Variants in ZNF827 observed in about 807,000 individuals in gnomAD.
ZNF827 encodes the protein zinc finger protein 827.
Under a neutral mutation model 102.4 loss-of-function variants are expected in ZNF827, and 13 were observed. That is an observed-to-expected ratio of 0.13 (90% CI 0.08 to 0.20). The LOEUF is 0.20. ZNF827 is among the 10% of genes least tolerant of loss of function. The pLI, the probability that ZNF827 is intolerant of heterozygous loss-of-function variation, is 1.00. For missense variants in ZNF827, 1,103 were observed against 1,344.4 expected (o/e 0.82, Z 2.81); for synonymous variants, 523 against 536.2 (o/e 0.98, Z 0.34).
chr4:145,902,931 C>T lies in ZNF827; in HGVS notation c.328G>A (p.Asp110Asn). The T allele has an allele frequency of 6.2e-7, 1 of 1,614,156 alleles. No individual in the cohort carries two copies. The highest frequency in any genetic ancestry group is 8.5e-7 in the Non-Finnish European group (1 of 1,180,030). Residue 110 changes from aspartate (D) to asparagine (N), a missense_variant, in exon 2 of 15, where the codon GAC (aspartate) becomes AAC (asparagine). By Grantham distance (23) the Asp-to-Asn change is conservative. Around this residue, in one of 5 missense-constraint regions of ZNF827, gnomAD observed 441 missense variants for 458.6 expected, o/e 0.96. Coordinates refer to ENST00000508784, the MANE Select transcript of ZNF827 (RefSeq NM_001306215.2). The surrounding 1 kb of genome is among the most constrained non-coding windows in gnomAD (Gnocchi z 4.3). ...GGCTTGTTGGAGCCTGGGTCATCGT[C>T]ACACAAAGAAGACACTCCCGGGGAA... ...HLSPGVSSLC[D>N]DDPGSNKPLS...
intron 11 of ZNF827, among the ~76,000 whole-genome samples, chr4:145,767,014 T>C (rs1216600592): frequency 6.6e-6 from 1 of 152,120 alleles, no homozygotes; most frequent in Admixed American, 6.5e-5. Context: ...GCACCCAACA[T>C]GGTAAAAACC....
intron 11 of ZNF827, among the ~76,000 whole-genome samples, chr4:145,768,590 G>A (rs768073882): frequency 2.0e-5 from 3 of 151,772 alleles, no homozygotes; most frequent in Non-Finnish European, 1.5e-5. Context: ...TGACCCCATC[G>A]TTTTAGGTTA....
At chr4:145,811,108 C>T (rs936856590) in intron 8 of ZNF827, among the ~76,000 whole-genome samples, 2 of 151,834 alleles carry the variant, frequency 1.3e-5, no homozygotes, top group Non-Finnish European at 2.9e-5. Context: ...TCTCGTACCT[C>T]AGCCTCCTGA....
At chr4:145,772,003 A>G (rs1398683030) in intron 11 of ZNF827, among the ~76,000 whole-genome samples, 4 of 152,216 alleles carry the variant, frequency 2.6e-5, no homozygotes, top group African/African-American at 9.7e-5. Context: ...TACATTCACA[A>G]TACTACTTAT....
At chr4:145,899,254 C>T (rs984221005) in intron 2 of ZNF827, among the ~76,000 whole-genome samples, 1 of 150,652 alleles carries the variant, frequency 6.6e-6, no homozygotes, top group African/African-American at 2.4e-5. Context: ...AGGTACATCC[C>T]AATCCAGCCC....
chr4:145,918,331 GCAA>G (rs1259449495), intron 1 of ZNF827, among the ~76,000 whole-genome samples: 3 of 13,918 alleles, frequency 2.2e-4, no homozygotes, highest in Admixed American at 1.5e-3. Flanking sequence ...TTAGCTCAAG[GCAA>G]AAAAAAAAAA....
At chr4:145,927,412 T>C (rs1270527652) in intron 1 of ZNF827, among the ~76,000 whole-genome samples, 1 of 152,240 alleles carries the variant, frequency 6.6e-6, no homozygotes, top group African/African-American at 2.4e-5. Context: ...TATGAAGTGC[T>C]GATCAGAAAA....
intron 7 of ZNF827, among the ~76,000 whole-genome samples, chr4:145,825,758 G>A (rs1026899979): frequency 1.3e-5 from 2 of 152,102 alleles, no homozygotes; most frequent in African/African-American, 4.8e-5. Context: ...GTGAGGAGTG[G>A]AGCCCTATTA....
rs528759009 is a variant in ZNF827, at chr4:145,836,570, T to G, written c.2279+9386A>C. Among the ~76,000 whole-genome samples, 7 of 152,312 alleles carry G rather than the reference T, an allele frequency of 4.6e-5. No homozygotes were observed. In the East Asian group the frequency reaches 1.3e-3, roughly 29 times the overall value. ...TCACTCTTTGTTGAGTCTCCCACAA[T>G]TACCATTGTTCCTGGCTCGGACTTC... On this transcript the variant is annotated intron_variant, in intron 7 of 14. Transcript: ENST00000508784.
At chr4:145,852,673 T>C (rs2126672631) in intron 5 of ZNF827, among the ~76,000 whole-genome samples, 1 of 152,346 alleles carries the variant, frequency 6.6e-6, no homozygotes, top group Non-Finnish European at 1.5e-5. Context: ...TGTGGGGGAC[T>C]ATATTGCACA....
At chr4:145,801,958 A>G (rs537089773) in intron 8 of ZNF827, among the ~76,000 whole-genome samples, 4 of 152,172 alleles carry the variant, frequency 2.6e-5, no homozygotes, top group Admixed American at 6.5e-5. Context: ...TCTGCTATTC[A>G]TAGGAAAAGA....
intron 8 of ZNF827, among the ~76,000 whole-genome samples, chr4:145,813,026 T>C (rs1168265225): frequency 6.6e-6 from 1 of 152,238 alleles, no homozygotes; most frequent in African/African-American, 2.4e-5. Flanking sequence ...TGCCATCCCA[T>C]TCTGTCCTAC....
In ZNF827 at chr4:145,763,653, T is replaced by C. The variant is rs1251786056; in HGVS notation, c.3231-531A>G. Among the ~76,000 whole-genome samples the C allele has an allele frequency of 6.6e-6, 1 of 152,198 alleles. No individual in the cohort carries two copies. The highest frequency in any genetic ancestry group is 1.5e-5 in the Non-Finnish European group (1 of 68,038). On this transcript the variant is annotated intron_variant, in intron 13 of 14. Coordinates refer to ENST00000508784, the MANE Select transcript of ZNF827 (RefSeq NM_001306215.2). The surrounding 1 kb of genome is among the most constrained non-coding windows in gnomAD (Gnocchi z 4.6). ...ATGTTCATGGGTGTGACTGGGCTAC[T>C]GGGAAGGGCAGTGAGCACTGGTCCA...
rs1366641174 is a variant in ZNF827 at position 145,903,182 on chromosome 4, A to G, written c.77T>C (p.Leu26Pro). The G allele has an allele frequency of 1.2e-6, 2 of 1,613,146 alleles. No homozygotes were observed. The highest frequency in any genetic ancestry group is 2.2e-5 in the East Asian group (1 of 44,836). The change falls in exon 2 of 15, where the codon CTC becomes CCC. Residue 26 changes from leucine (L) to proline (P), a missense_variant. Around this residue, in one of 5 missense-constraint regions of ZNF827, gnomAD observed 441 missense variants for 458.6 expected, o/e 0.96. Coordinates refer to ENST00000508784, the MANE Select transcript of ZNF827 (RefSeq NM_001306215.2). ...TCCATACCAGTGTTCTCCTTCACTG[A>G]GCTCTCCCTCCGCCTCTTCCTGCCT... The part of the protein sequence containing the change: ...VSRQEEAEGE[L>P]SEGEHWYGNS...
chr4:145,938,217 A>T, intron 1 of ZNF827, 148 bp downstream of exon 1: 1 of 907,600 alleles, frequency 1.1e-6, no homozygotes, highest in Non-Finnish European at 1.8e-6. Context: ...ATAGACCTAA[A>T]CGAGGAGTAA....
intron 7 of ZNF827, among the ~76,000 whole-genome samples, chr4:145,840,278 T>C (rs1052657868): frequency 2.0e-4 from 30 of 152,246 alleles, no homozygotes; most frequent in African/African-American, 7.0e-4. Context: ...CAGATAGTGG[T>C]GTAGGCTGTG....
At chr4:145,883,196 T>G (rs1247011365) in intron 4 of ZNF827, among the ~76,000 whole-genome samples, 1 of 152,222 alleles carries the variant, frequency 6.6e-6, no homozygotes, top group Non-Finnish European at 1.5e-5. Context: ...AAATTAAGGA[T>G]GCATCTCACT....
intron 4 of ZNF827, 119 bp downstream of exon 4, chr4:145,885,559 C>A (rs2126820868): frequency 1.4e-6 from 2 of 1,383,770 alleles, no homozygotes; most frequent in Non-Finnish European, 1.9e-6. Context: ...ACCTTGAAAT[C>A]ATCTAGTTCT....
intron 8 of ZNF827, among the ~76,000 whole-genome samples, chr4:145,817,137 C>G (rs1038552834): frequency 2.0e-5 from 3 of 152,114 alleles, no homozygotes; most frequent in Non-Finnish European, 4.4e-5. Flanking sequence ...GAGAATGCCC[C>G]AGCTTCCTAA....
Sources: gnomAD v4.1 joint callset for allele counts (sites outside exome capture counted in the v4.1 genomes callset) on GRCh38, gnomAD v4.1.1 for gene constraint, gnomAD v4.1.1 regional missense constraint, Gnocchi (gnomAD v3.1) non-coding constraint, MANE v1.5 for transcripts, NCBI Gene and HGNC (gene_info 2026-07-23, HGNC 2026-07-21) for gene names.